KCNQ1: variants seen among roughly 807,000 people sequenced by gnomAD.
KCNQ1 encodes the protein potassium voltage-gated channel subfamily Q member 1.
Under a neutral mutation model 72.4 loss-of-function variants are expected in KCNQ1, and 49 were observed. The ratio of observed to expected loss-of-function variants is 0.68; its 90% confidence interval spans 0.54 to 0.86. KCNQ1 has a LOEUF of 0.86. KCNQ1 is among the 40% of genes least tolerant of loss of function. The pLI, the probability that KCNQ1 is intolerant of heterozygous loss-of-function variation, is 0.00. For synonymous variants in KCNQ1, 450 were observed against 412.6 expected (o/e 1.09, Z -1.10); for missense variants, 790 against 945.1 (o/e 0.84, Z 2.15).
intron 11 of KCNQ1, among the ~76,000 whole-genome samples, chr11:2,760,272 G>A (rs923174317): frequency 1.3e-5 from 2 of 152,226 alleles, no homozygotes; most frequent in African/African-American, 4.8e-5. Flanking sequence ...GTACGTGGAC[G>A]GGGCAGGCGG....
intron 2 of KCNQ1, among the ~76,000 whole-genome samples, chr11:2,539,724 C>T (rs1047271443): frequency 5.3e-5 from 8 of 152,334 alleles, no homozygotes; most frequent in Admixed American, 6.5e-5. Flanking sequence ...GTGGGGGGTG[C>T]GCCTGCTGCA....
chr11:2,692,969 T>C lies in KCNQ1; in HGVS notation c.1514+30888T>C, dbSNP rs551480202. 131 of 398,670 alleles carry C rather than the reference T, an allele frequency of 3.3e-4. 2 individuals are homozygous for C. The South Asian group carries it at 0.014, about 43-fold the overall frequency. 24.7% of individuals were successfully genotyped at this position (398,670 alleles called of 1,614,324 possible). A position where few individuals can be genotyped will look rare whatever the true frequency, so the allele number is the denominator to read the frequency against. ...CCATACGCTCAATAATGAGGCCCACTGAACTCTCCTGGTTTCCAGAAGCCT... is the reference window on the plus strand; with the variant it reads ...CCATACGCTCAATAATGAGGCCCACCGAACTCTCCTGGTTTCCAGAAGCCT... On this transcript the variant is annotated intron_variant, in intron 11 of 15. Transcript: ENST00000155840.
At position 2,691,785 on chromosome 11, in the gene KCNQ1, G is replaced by A. The variant is rs959904983; in HGVS notation, c.1514+29704G>A. 2.5e-6 allele frequency: 1 copy of A among 398,700 alleles called. No homozygotes were observed. Among genetic ancestry groups the A allele is most frequent in the South Asian group, 1.3e-4 (1 of 7,858 alleles). 24.7% of individuals were successfully genotyped at this position (398,700 alleles called of 1,614,324 possible). A position where few individuals can be genotyped will look rare whatever the true frequency, so the allele number is the denominator to read the frequency against. ...ATTTGCAGGCCAGTGGCCATCCACT[G>A]CCAGCAATCAGAGAATCACAAGCAC... On this transcript the variant is annotated intron_variant, in intron 11 of 15. Transcript: ENST00000155840. This position sits in a 1 kb window ranked among gnomAD's most constrained non-coding sequence, Gnocchi z 6.4.
chr11:2,812,579 C>T (rs556106222), intron 15 of KCNQ1, among the ~76,000 whole-genome samples: 7 of 152,334 alleles, frequency 4.6e-5, no homozygotes, highest in South Asian at 4.1e-4. Flanking sequence ...GGGCCAGCCC[C>T]GTCCCCAGGG....
In KCNQ1 at chr11:2,620,309, C is replaced by T. The variant is rs1849147823; in HGVS notation, c.1393+31455C>T. 9.8e-6 allele frequency: 2 copies of T among 204,004 alleles called. No homozygotes were observed. The highest frequency in any genetic ancestry group is 5.9e-5 in the Admixed American group (1 of 16,836). 12.6% of individuals were successfully genotyped at this position (204,004 alleles called of 1,614,324 possible). A position where few individuals can be genotyped will look rare whatever the true frequency, so the allele number is the denominator to read the frequency against. ...TCGGCTCACTGCAGCCTCCGCCTAC[C>T]GGGTTCAAGTGATTCTCCTGCCTCA... On this transcript the variant is annotated intron_variant, in intron 10 of 15. Transcript: ENST00000155840. This position sits in a 1 kb window ranked among gnomAD's most constrained non-coding sequence, Gnocchi z 4.5.
In KCNQ1 at chr11:2,612,827, C is replaced by A. The variant is rs547299430; in HGVS notation, c.1393+23973C>A. The A allele has an allele frequency of 1.8e-4, 70 of 398,470 alleles. No homozygotes were observed. Among genetic ancestry groups the A allele is most frequent in the African/African-American group, 1.3e-3 (65 of 48,684 alleles). The allele number at this position is 398,470 out of a possible 1,614,324, so 24.7% of individuals were successfully genotyped here. On this transcript the variant is annotated intron_variant, in intron 10 of 15. Transcript: ENST00000155840. This position sits in a 1 kb window ranked among gnomAD's most constrained non-coding sequence, Gnocchi z 5.5. Reference sequence around the variant, plus strand: ...TCTCATTTTTTTTGTTAAAAACTTACTTTAGATAATATATCGTAGAAACTC... The same window carrying A: ...TCTCATTTTTTTTGTTAAAAACTTAATTTAGATAATATATCGTAGAAACTC...
chr11:2,704,326 GCCTGTTGTC>G lies in KCNQ1; in HGVS notation c.1514+42246_1514+42254del, dbSNP rs1554909534. ...CAACTTGATGGTTTCAGGTACATGG[GCCTGTTGTC>G]AACTCTGTTCCCACTGAGCCCATGA... On this transcript the variant is annotated intron_variant, in intron 11 of 15. Transcript: ENST00000155840. The surrounding 1 kb of genome is among the most constrained non-coding windows in gnomAD (Gnocchi z 4.3). Among the ~76,000 whole-genome samples, 1 of 152,210 alleles carries G rather than the reference GCCTGTTGTC, an allele frequency of 6.6e-6. No individual in the cohort carries two copies. The highest frequency in any genetic ancestry group is 1.5e-5 in the Non-Finnish European group (1 of 68,034).
intron 11 of KCNQ1, among the ~76,000 whole-genome samples, chr11:2,701,747 A>G (rs1850819443): frequency 1.3e-5 from 2 of 152,146 alleles, no homozygotes; most frequent in African/African-American, 4.8e-5. Flanking sequence ...CTCTCTTGAC[A>G]TCCAAAGGAT....
chr11:2,633,113 T>G, intron 10 of KCNQ1: 9 of 398,512 alleles, frequency 2.3e-5, no homozygotes, highest in Non-Finnish European at 4.0e-5. Flanking sequence ...CCATTCTAAC[T>G]GAGGTGAAAT....
chr11:2,761,461 C>T (rs952894317), intron 11 of KCNQ1, among the ~76,000 whole-genome samples: 5 of 152,164 alleles, frequency 3.3e-5, no homozygotes, highest in African/African-American at 1.2e-4. Flanking sequence ...AGGGTGTTCT[C>T]GGGAAATGCA....
Position 2,768,376 on chromosome 11 carries a change from G to A in KCNQ1, c.1515-468G>A, listed in dbSNP as rs1846533507. On this transcript the variant is annotated intron_variant, in intron 11 of 15. Transcript: ENST00000155840. The surrounding 1 kb of genome is among the most constrained non-coding windows in gnomAD (Gnocchi z 6.7). Reference sequence around the variant, plus strand: ...CTTTCCCTTGTTAATTTGTCCTGTAGCCCCTACTTTCCCAAGCGCTTGCTG... The same window carrying A: ...CTTTCCCTTGTTAATTTGTCCTGTAACCCCTACTTTCCCAAGCGCTTGCTG... Among the ~76,000 whole-genome samples the A allele has an allele frequency of 6.6e-6, 1 of 152,164 alleles. No homozygotes were observed. The highest frequency in any genetic ancestry group is 2.4e-5 in the African/African-American group (1 of 41,436).
At chr11:2,530,644 C>T (rs1012561965) in intron 2 of KCNQ1, among the ~76,000 whole-genome samples, 1 of 152,214 alleles carries the variant, frequency 6.6e-6, no homozygotes, top group Non-Finnish European at 1.5e-5. Context: ...TGTAAGTGTG[C>T]ATACACATGA....
In KCNQ1 at chr11:2,445,315, C is replaced by A. The variant is rs199472676; in HGVS notation, c.217C>A (p.Pro73Thr). 2.0e-4 allele frequency: 304 copies of A among 1,504,516 alleles called. No individual in the cohort carries two copies. Among genetic ancestry groups the A allele is most frequent in the Non-Finnish European group, 2.5e-4 (287 of 1,132,988 alleles). 93.2% of individuals were successfully genotyped at this position (1,504,516 alleles called of 1,614,324 possible). ...TGCGTCCCCGGCCGCGCCCGCCGCG[C>A]CCCCAGTTGCCTCCGACCTTGGCCC... Reference protein sequence around the residue: ...PPASPAAPAAPPVASDLGPRP... With the variant: ...PPASPAAPAATPVASDLGPRP... The change falls in exon 1 of 16, where the codon CCC becomes ACC. Residue 73 changes from proline to threonine, a missense_variant. By Grantham distance (38) the Pro-to-Thr change is conservative (BLOSUM62 -1). Coordinates refer to ENST00000155840, the MANE Select transcript of KCNQ1 (RefSeq NM_000218.3).
rs1190443980 is a variant in KCNQ1 at position 2,549,516 on chromosome 11, G to A, written c.478-21112G>A. On this transcript the variant is annotated intron_variant, in intron 2 of 15. Coordinates refer to ENST00000155840, the MANE Select transcript of KCNQ1 (RefSeq NM_000218.3). This position sits in a 1 kb window ranked among gnomAD's most constrained non-coding sequence, Gnocchi z 6.2. Reference sequence around the variant, plus strand: ...TCCCCCGGGGGCTGCAAAAGCAGAGGGAGTGGAGTGTCACCGGGTGTCCCG... The same window carrying A: ...TCCCCCGGGGGCTGCAAAAGCAGAGAGAGTGGAGTGTCACCGGGTGTCCCG... Among the ~76,000 whole-genome samples, 3 of 152,192 alleles carry A rather than the reference G, an allele frequency of 2.0e-5. No individual in the cohort carries two copies. Among genetic ancestry groups the A allele is most frequent in the Admixed American group, 6.5e-5 (1 of 15,284 alleles).
intron 10 of KCNQ1, chr11:2,643,012 G>A: frequency 2.5e-6 from 1 of 397,892 alleles, no homozygotes; most frequent in Non-Finnish European, 4.4e-6. Context: ...ATTGTGGTCT[G>A]AGAAGATATG....
chr11:2,639,018 C>G (rs981508381), intron 10 of KCNQ1: 3 of 152,220 alleles, frequency 2.0e-5, no homozygotes, highest in African/African-American at 7.2e-5. Flanking sequence ...GCTACTGAAG[C>G]TTGTGCATTT....
rs1270453705 is a variant in KCNQ1 at position 2,461,806 on chromosome 11, A to G, written c.386+16322A>G. The G allele has an allele frequency of 3.0e-6, 3 of 998,302 alleles. No homozygotes were observed. The East Asian group carries it at 1.8e-4, about 60-fold the overall frequency. 61.8% of individuals were successfully genotyped at this position (998,302 alleles called of 1,614,324 possible). On this transcript the variant is annotated intron_variant, in intron 1 of 15. Coordinates refer to ENST00000155840, the MANE Select transcript of KCNQ1 (RefSeq NM_000218.3). ...GTGGTCAGTTATGGGTGGCGGGTAG[A>G]TGGGTGGACAGCTGGATAGATGAAG...
chr11:2,656,259 G>A, intron 10 of KCNQ1: 1 of 398,628 alleles, frequency 2.5e-6, no homozygotes, highest in East Asian at 3.6e-5. Flanking sequence ...ATAACCTAGG[G>A]TACTTGAATC....
Position 2,549,419 on chromosome 11 carries a change from G to A in KCNQ1, c.478-21209G>A, listed in dbSNP as rs1847946057. ...CACATCTGACCTTTGCCTGCTTTGGGGGCAGTTTGAGGCCTCAGATTTTCT... is the reference window on the plus strand; with the variant it reads ...CACATCTGACCTTTGCCTGCTTTGGAGGCAGTTTGAGGCCTCAGATTTTCT... On this transcript the variant is annotated intron_variant, in intron 2 of 15. Transcript: ENST00000155840. The surrounding 1 kb of genome is among the most constrained non-coding windows in gnomAD (Gnocchi z 6.2). Among the ~76,000 whole-genome samples, 1 of 152,136 alleles carries A rather than the reference G, an allele frequency of 6.6e-6. No individual in the cohort carries two copies. Among genetic ancestry groups the A allele is most frequent in the Non-Finnish European group, 1.5e-5 (1 of 67,998 alleles).
Sources: gnomAD v4.1 joint callset for allele counts (sites outside exome capture counted in the v4.1 genomes callset) on GRCh38, gnomAD v4.1.1 for gene constraint, Gnocchi (gnomAD v3.1) non-coding constraint, MANE v1.5 for transcripts, NCBI Gene and HGNC (gene_info 2026-07-23, HGNC 2026-07-21) for gene names.